XK: variants seen among roughly 807,000 people sequenced by gnomAD.
The protein encoded by XK is endoplasmic reticulum membrane adapter protein XK.
Under a neutral mutation model 14.0 loss-of-function variants are expected in XK, and 2 were observed. That is an observed-to-expected ratio of 0.14 (90% CI 0.06 to 0.45). XK has a LOEUF of 0.45. XK is among the 20% of genes least tolerant of loss of function. XK has a pLI of 0.98. For synonymous variants in XK, 149 were observed against 147.5 expected, an observed-to-expected ratio of 1.01 and a Z score of -0.08; for missense variants, 235 against 341.5, an observed-to-expected ratio of 0.69 and a Z score of 2.46.
At chrX:37,719,946 A>G (rs1053318772) in intron 2 of XK, among the ~76,000 whole-genome samples, 5 of 111,182 alleles carry the variant, frequency 4.5e-5, no homozygotes, top group African/African-American at 1.3e-4. Context: ...TGGCAGTCAG[A>G]TGGACTAGAT....
chrX:37,687,889 G>A (rs1927115163), intron 1 of XK, among the ~76,000 whole-genome samples: 1 of 109,934 alleles, frequency 9.1e-6, no homozygotes, highest in Non-Finnish European at 1.9e-5. Context: ...GGAGGGAGGG[G>A]AATTTTAAAA....
chrX:37,698,224 G>A (rs1927339784), intron 2 of XK, among the ~76,000 whole-genome samples: 1 of 111,704 alleles, frequency 9.0e-6, no homozygotes, highest in Non-Finnish European at 1.9e-5. Flanking sequence ...ATGAACCCTT[G>A]ATTTGTGCCA....
Position 37,693,476 on chromosome X carries a change from CGTGT to C in XK, c.246-787_246-784del, listed in dbSNP as rs781954179. Among the ~76,000 whole-genome samples the C allele has an allele frequency of 3.1e-5, 3 of 95,933 alleles. No homozygotes were observed. The Admixed American group carries it at 3.5e-4, about 11-fold the overall frequency. The allele number at this position is 95,933 out of a possible 115,157, so 83.3% of individuals were successfully genotyped here. On this transcript the variant is annotated intron_variant, in intron 1 of 2. Transcript: ENST00000378616. The stretch of plus-strand genomic sequence containing the variant: ...TCACATATTTATCCATCTATCAATT[CGTGT>C]GTGTGTGTGTGTGTGTGTGTGTATG...
At chrX:37,713,369 A>G (rs1294258295) in intron 2 of XK, among the ~76,000 whole-genome samples, 5 of 111,689 alleles carry the variant, frequency 4.5e-5, no homozygotes, top group African/African-American at 1.3e-4. Context: ...GTGTCTTAAT[A>G]TGTTGTCCTG....
Position 37,727,990 on chromosome X carries a change from C to T in XK, c.863C>T (p.Thr288Ile), listed in dbSNP as rs782395531. The T allele has an allele frequency of 8.3e-7, 1 of 1,209,443 alleles. No individual in the cohort carries two copies. The highest frequency in any genetic ancestry group is 1.8e-5 in the African/African-American group (1 of 57,013). Residue 288 changes from threonine to isoleucine, a missense_variant, in exon 3 of 3, where the codon ACT (threonine) becomes ATT (isoleucine). Transcript: ENST00000378616. ...IVLCFLTLLY[T>I]GINMFCWSAV... ...CTATGCTTTCTAACTTTACTCTATA[C>T]TGGTATCAACATGTTCTGCTGGTCT...
rs1158408627 is a variant in XK, at chrX:37,729,901, C to T, written c.*1439C>T. The T allele has an allele frequency of 6.3e-5, 7 of 111,295 alleles. No individual in the cohort carries two copies. Among genetic ancestry groups the T allele is most frequent in the African/African-American group, 2.3e-4 (7 of 30,652 alleles). 9.2% of individuals were successfully genotyped at this position (111,295 alleles called of 1,213,427 possible). ...TTTCATTTTTAATTCCTCTTGGTGT[C>T]AAATTTTTAAGTAATTTCATGCACA... On this transcript the variant is annotated 3_prime_UTR_variant, in exon 3 of 3. Transcript: ENST00000378616.
At chrX:37,701,250 C>T (rs782776576) in intron 2 of XK, among the ~76,000 whole-genome samples, 1 of 112,567 alleles carries the variant, frequency 8.9e-6, no homozygotes, top group South Asian at 3.7e-4. Context: ...TTTCATAGAA[C>T]AGCATAGAGT....
chrX:37,696,022 A>T (rs1270803311), intron 2 of XK, among the ~76,000 whole-genome samples: 1 of 112,231 alleles, frequency 8.9e-6, no homozygotes, highest in Non-Finnish European at 1.9e-5. Flanking sequence ...AGATGTGATG[A>T]TAGCCTATTT....
intron 2 of XK, among the ~76,000 whole-genome samples, chrX:37,696,327 A>G (rs1187018601): frequency 8.9e-6 from 1 of 112,839 alleles, no homozygotes; most frequent in Non-Finnish European, 1.9e-5. Flanking sequence ...ATAATTTTTC[A>G]GACATAATTC....
chrX:37,709,480 TACTC>T lies in XK; in HGVS notation c.508+14934_508+14937del, dbSNP rs1287176144. 3.6e-5 allele frequency among the ~76,000 whole-genome samples: 4 copies of T among 112,290 alleles called. No individual in the cohort carries two copies. In the South Asian group the frequency reaches 1.1e-3, roughly 31 times the overall value. ...AAGCTGTATAAGTTTAGGAGAAACATACTCAAGAGTATAAAAATATATGCTTGTA... is the reference window on the plus strand; with the variant it reads ...AAGCTGTATAAGTTTAGGAGAAACATAAGAGTATAAAAATATATGCTTGTA... On this transcript the variant is annotated intron_variant, in intron 2 of 2. Transcript: ENST00000378616.
In XK at chrX:37,694,353, A is replaced by G; in HGVS notation, c.313A>G (p.Lys105Glu). The G allele has an allele frequency of 8.3e-7, 1 of 1,210,680 alleles. No homozygotes were observed. Among genetic ancestry groups the G allele is most frequent in the East Asian group, 3.0e-5 (1 of 33,838 alleles). ...NNEEPYVSIT[K>E]KRQMPKNGLS... ...TGAAGAGCCTTATGTCAGTATCACC[A>G]AGAAGAGGCAAATGCCAAAAAATGG... is the stretch of plus-strand genomic sequence containing the variant. The change falls in exon 2 of 3, where the codon AAG becomes GAG. Residue 105 changes from lysine (K) to glutamate (E), a missense_variant. Lys to Glu is a moderately conservative substitution (Grantham distance 56). Coordinates refer to ENST00000378616, the MANE Select transcript of XK (RefSeq NM_021083.4).
chrX:37,722,662 T>C (rs782010443), intron 2 of XK, among the ~76,000 whole-genome samples: 19 of 112,207 alleles, frequency 1.7e-4, no homozygotes, highest in Non-Finnish European at 9.4e-5. Context: ...TTTTGAAAAG[T>C]CTATTCCATA....
chrX:37,715,355 T>A (rs782459789), intron 2 of XK, among the ~76,000 whole-genome samples: 1 of 111,898 alleles, frequency 8.9e-6, no homozygotes, highest in Non-Finnish European at 1.9e-5. Context: ...ATAGGATATA[T>A]TGATTTTGTA....
intron 2 of XK, among the ~76,000 whole-genome samples, chrX:37,707,757 G>C (rs1485266495): frequency 9.0e-6 from 1 of 111,398 alleles, no homozygotes; most frequent in African/African-American, 3.3e-5. Context: ...TCACATCCCA[G>C]ATGATGGGCG....
rs1471167548 is a variant in XK, at chrX:37,698,569, AGAG to A, written c.508+4027_508+4029del. On this transcript the variant is annotated intron_variant, in intron 2 of 2. Transcript: ENST00000378616. ...AAAAAAAAAAAAAAAAAAAAAAAAA[AGAG>A]GAGGAAAATTGTACTTATAGTCAGA... Among the ~76,000 whole-genome samples the A allele has an allele frequency of 5.9e-5, 6 of 102,317 alleles. 1 individual carries two copies. The highest frequency in any genetic ancestry group is 6.0e-4 in the East Asian group (2 of 3,342). 88.9% of individuals were successfully genotyped at this position (102,317 alleles called of 115,157 possible).
intron 2 of XK, among the ~76,000 whole-genome samples, chrX:37,727,405 G>A (rs1025278617): frequency 4.0e-4 from 45 of 111,319 alleles, no homozygotes; most frequent in African/African-American, 1.4e-3. Context: ...GGCGCTCTCG[G>A]GAGTATTAAT....
At chrX:37,712,485 G>T (rs1927684454) in intron 2 of XK, among the ~76,000 whole-genome samples, 1 of 112,116 alleles carries the variant, frequency 8.9e-6, no homozygotes, top group East Asian at 2.8e-4. Context: ...TTGCATGTGT[G>T]TACTCACACA....
chrX:37,722,204 T>G (rs192601325), intron 2 of XK, among the ~76,000 whole-genome samples: 1 of 111,838 alleles, frequency 8.9e-6, no homozygotes, highest in East Asian at 2.8e-4. Flanking sequence ...ATAGAAATTT[T>G]TCAACATACA....
At position 37,728,410 on chromosome X, in the gene XK, C is replaced by T. The variant is rs1556450557; in HGVS notation, c.1283C>T (p.Thr428Ile). The change falls in exon 3 of 3, where the codon ACA becomes ATA. Residue 428 changes from threonine (T) to isoleucine (I), a missense_variant. Transcript: ENST00000378616. ...DRDETPSSSK[T>I]SPEPGQFLNA... ...GATGAGACACCTTCTAGCAGTAAAA[C>T]AAGTCCTGAGCCTGGTCAGTTCTTG... The T allele has an allele frequency of 2.5e-6, 3 of 1,210,294 alleles. No individual in the cohort carries two copies. The highest frequency in any genetic ancestry group is 3.4e-6 in the Non-Finnish European group (3 of 895,397).
Sources: allele counts gnomAD v4.1 joint callset (sites outside exome capture counted in the v4.1 genomes callset), GRCh38; gene constraint gnomAD v4.1.1; transcripts MANE v1.5; gene names NCBI Gene and HGNC (gene_info 2026-07-23, HGNC 2026-07-21).